The following CD82 variants were observed in gnomAD, a reference collection of about 807,000 sequenced individuals.
CD82 encodes CD82 molecule, also known as CD82 antigen.
Under a neutral mutation model 37.4 loss-of-function variants are expected in CD82, and 36 were observed. The ratio of observed to expected loss-of-function variants is 0.96; its 90% CI spans 0.74 to 1.27. The LOEUF (loss-of-function observed/expected upper bound fraction) is 1.27, where lower values mean the gene tolerates loss of function less well. Ranked by LOEUF, CD82 falls within the 50% of genes most tolerant of loss-of-function variation. The probability of loss-of-function intolerance (pLI) is 0.00; values close to 1 mark genes in which losing one functional copy is unlikely to be tolerated. For synonymous variants in CD82, 158 were observed against 137.4 expected (o/e 1.15, Z -1.05); for missense variants, 340 against 347.0 (o/e 0.98, Z 0.16).
At chr11:44,579,386 CCTGGGTCAG>C (rs562222653) in intron 1 of CD82, among the ~76,000 whole-genome samples, 98 of 152,024 alleles carry the variant, frequency 6.4e-4, no homozygotes, top group African/African-American at 2.3e-3. Flanking sequence ...GTGGGATCCT[CCTGGGTCAG>C]CAGGGCCTGC....
rs1453766581 is a variant in CD82, at chr11:44,565,719, A to G, written c.-120A>G. ...TGACGCTGGGCCTGCAGCGCGGAGC[A>G]GAAAGCAGAACCCGCAGGTGAGCAA... On this transcript the variant is annotated 5_prime_UTR_variant, in exon 1 of 10. Transcript: ENST00000227155. 6.6e-6 allele frequency: 1 copy of G among 152,140 alleles called. No homozygotes were observed. The highest frequency in any genetic ancestry group is 1.5e-5 in the Non-Finnish European group (1 of 68,028). 9.4% of individuals were successfully genotyped at this position (152,140 alleles called of 1,614,324 possible). A position where few individuals can be genotyped will look rare whatever the true frequency, so the allele number is the denominator to read the frequency against.
Position 44,566,290 on chromosome 11 carries a change from C to T in CD82, c.-103+554C>T, listed in dbSNP as rs115500759. 618 of 152,402 alleles carry T rather than the reference C, an allele frequency of 4.1e-3. 2 individuals carry two copies. The highest frequency in any genetic ancestry group is 0.014 in the African/African-American group (582 of 41,576). 9.4% of individuals were successfully genotyped at this position (152,402 alleles called of 1,614,324 possible). A position where few individuals can be genotyped will look rare whatever the true frequency, so the allele number is the denominator to read the frequency against. ...TCTAACAGTTCAACTGAGCCGGACC[C>T]CCTAAGACTTCAAGTTGGAAACTCA... On this transcript the variant is annotated intron_variant, in intron 1 of 9. Transcript: ENST00000227155.
intron 3 of CD82, chr11:44,594,932 G>A (rs1055198737): frequency 6.8e-6 from 4 of 585,424 alleles, no homozygotes; most frequent in Non-Finnish European, 1.2e-5. Flanking sequence ...ACCAAGCACT[G>A]GATTCCTGAC....
chr11:44,585,246 G>A, intron 1 of CD82: 2 of 456,234 alleles, frequency 4.4e-6, no homozygotes, highest in Middle Eastern at 3.3e-4. Context: ...TCAGACTGTT[G>A]GTCAGGAAAG....
chr11:44,595,977 C>T (rs1034161114), intron 3 of CD82, among the ~76,000 whole-genome samples: 5 of 150,032 alleles, frequency 3.3e-5, no homozygotes, highest in African/African-American at 1.2e-4. Flanking sequence ...AATGCACAGA[C>T]ATGTACAATG....
chr11:44,616,853 G>C (rs1468500523), intron 7 of CD82, among the ~76,000 whole-genome samples: 1 of 152,184 alleles, frequency 6.6e-6, no homozygotes, highest in Non-Finnish European at 1.5e-5. Flanking sequence ...TCGTAGACGG[G>C]CCAAGGAGAC....
At chr11:44,618,895 C>T (rs564776657) in intron 9 of CD82, among the ~76,000 whole-genome samples, 154 bp from the exon 10 acceptor site, 17 of 152,254 alleles carry the variant, frequency 1.1e-4, no homozygotes, top group Middle Eastern at 3.4e-3. Flanking sequence ...GGCACTGCCC[C>T]GCTCTGGGCC....
chr11:44,591,326 T>C (rs1475213265), intron 2 of CD82, among the ~76,000 whole-genome samples: 1 of 152,152 alleles, frequency 6.6e-6, no homozygotes, highest in Non-Finnish European at 1.5e-5. Flanking sequence ...TGTTTGCATG[T>C]AGAGGGCTGA....
intron 1 of CD82, chr11:44,587,228 T>G: frequency 2.9e-6 from 1 of 342,508 alleles, no homozygotes; most frequent in Non-Finnish European, 5.8e-6. Context: ...GGGAAAAGAG[T>G]AATTCTGGCA....
At chr11:44,612,552 T>TA (rs1210248658) in intron 6 of CD82, among the ~76,000 whole-genome samples, 10 of 138,588 alleles carry the variant, frequency 7.2e-5, no homozygotes, top group Admixed American at 2.1e-4. Flanking sequence ...TTTTTTTTTT[T>TA]AAATATCATG....
intron 9 of CD82, 22 bp downstream of exon 9, chr11:44,618,745 C>T: frequency 6.3e-7 from 1 of 1,591,088 alleles, no homozygotes; most frequent in Non-Finnish European, 8.6e-7. Context: ...CTCCCCCATC[C>T]CTTCTCCATC....
rs78740913 is a variant in CD82, at chr11:44,568,737, G to A, written c.-103+3001G>A. Among the ~76,000 whole-genome samples the A allele has an allele frequency of 3.0e-4, 46 of 152,254 alleles. No individual in the cohort carries two copies. In the East Asian group the frequency reaches 7.9e-3, roughly 26 times the overall value. The stretch of plus-strand genomic sequence containing the variant: ...TGGGGGCGGCCCCCTCTGTCTTGAG[G>A]CCTCACGCTTTAGAGCCACAGCCTG... On this transcript the variant is annotated intron_variant, in intron 1 of 9. Transcript: ENST00000227155.
intron 1 of CD82, chr11:44,585,425 C>A: frequency 2.4e-6 from 1 of 421,264 alleles, no homozygotes; most frequent in South Asian, 1.7e-5. Context: ...AAGGTGATCA[C>A]CCAAGGCTAC....
intron 6 of CD82, among the ~76,000 whole-genome samples, chr11:44,611,400 C>T (rs1444641831): frequency 6.6e-6 from 1 of 152,192 alleles, no homozygotes; most frequent in Non-Finnish European, 1.5e-5. Flanking sequence ...CTCATCCTAC[C>T]ACATTGATGG....
intron 7 of CD82, among the ~76,000 whole-genome samples, chr11:44,616,849 A>G (rs73458602): frequency 0.011 from 1,691 of 152,254 alleles, 33 homozygotes; most frequent in African/African-American, 0.039. Flanking sequence ...TCTGTCGTAG[A>G]CGGGCCAAGG....
intron 4 of CD82, 94 bp from the exon 5 acceptor site, chr11:44,604,964 C>CT: frequency 6.3e-7 from 1 of 1,576,766 alleles, no homozygotes; most frequent in Non-Finnish European, 8.7e-7. Context: ...AACACCCTGG[C>CT]TCCAAAGAGG....
intron 7 of CD82, among the ~76,000 whole-genome samples, chr11:44,616,097 G>A (rs944569608): frequency 2.6e-5 from 4 of 152,130 alleles, no homozygotes; most frequent in African/African-American, 7.2e-5. Context: ...CTGTGAGGGC[G>A]CAGGACACAG....
chr11:44,595,416 G>T (rs1853208588), intron 3 of CD82, among the ~76,000 whole-genome samples: 1 of 152,104 alleles, frequency 6.6e-6, no homozygotes, highest in African/African-American at 2.4e-5. Context: ...TGTTGTTGGG[G>T]GGCAGTGCCC....
chr11:44,566,988 T>G (rs1252654659), intron 1 of CD82, among the ~76,000 whole-genome samples: 1 of 152,142 alleles, frequency 6.6e-6, no homozygotes, highest in African/African-American at 2.4e-5. Context: ...TAAAAATGTT[T>G]ACTGAGCACC....
Sources: allele counts gnomAD v4.1 joint callset (sites outside exome capture counted in the v4.1 genomes callset), GRCh38; gene constraint gnomAD v4.1.1; transcripts MANE v1.5; gene names NCBI Gene and HGNC (gene_info 2026-07-23, HGNC 2026-07-21).